PRIM1: variants seen among roughly 807,000 people sequenced by gnomAD.
PRIM1 encodes the protein DNA primase small subunit.
In PRIM1, 38 loss-of-function variants were observed where a neutral mutation model predicts 60.2. The ratio of observed to expected loss-of-function variants is 0.63; its 90% confidence interval spans 0.49 to 0.83. The LOEUF is 0.83. PRIM1 is among the 40% of genes least tolerant of loss of function. PRIM1 has a pLI of 0.00. For synonymous variants in PRIM1, 158 were observed against 160.2 expected (o/e 0.99, Z 0.10); for missense variants, 388 against 506.2 (o/e 0.77, Z 2.24).
chr12:56,751,094 C>T lies in PRIM1; in HGVS notation c.205G>A (p.Glu69Lys), dbSNP rs745807593. ...SFNNQSDLEKEMQKMNPYKID... is the reference protein window; with the variant it reads ...SFNNQSDLEKKMQKMNPYKID... ...TTGTATGGATTCATTTTCTGCATCTCCTTTTCCAGATCACTCTGGTTGTTG... is the reference window on the plus strand; with the variant it reads ...TTGTATGGATTCATTTTCTGCATCTTCTTTTCCAGATCACTCTGGTTGTTG... Residue 69 changes from glutamate to lysine, a missense_variant, in exon 2 of 13, where the codon GAG (glutamate) becomes AAG (lysine). By Grantham distance (56) the Glu-to-Lys change is moderately conservative. Coordinates refer to ENST00000338193, the MANE Select transcript of PRIM1 (RefSeq NM_000946.3). The T allele has an allele frequency of 1.9e-6, 3 of 1,600,366 alleles. No individual in the cohort carries two copies. Among genetic ancestry groups the T allele is most frequent in the Non-Finnish European group, 2.6e-6 (3 of 1,172,454 alleles).
intron 5 of PRIM1, 47 bp from the exon 6 acceptor site, chr12:56,744,170 TAC>T: frequency 2.2e-6 from 3 of 1,352,388 alleles, no homozygotes; most frequent in South Asian, 1.3e-5. Context: ...ACAATATAAA[TAC>T]AGTCATGTGC....
At position 56,738,431 on chromosome 12, in the gene PRIM1, T is replaced by G. The variant is rs1259803784; in HGVS notation, c.1144+3A>C. 6.4e-7 allele frequency: 1 copy of G among 1,572,644 alleles called. No individual in the cohort carries two copies. The highest frequency in any genetic ancestry group is 1.2e-5 in the South Asian group (1 of 85,854). The stretch of plus-strand genomic sequence containing the variant: ...AAAGTGAAGCTTCAAAATATTACCT[T>G]ACCTCTGGTTCTATGTTTGACATCA... On this transcript the variant is annotated splice_donor_region_variant and intron_variant, in intron 11 of 12. Coordinates refer to ENST00000338193, the MANE Select transcript of PRIM1 (RefSeq NM_000946.3).
chr12:56,742,561 A>C (rs574038302), intron 7 of PRIM1, among the ~76,000 whole-genome samples: 1 of 152,284 alleles, frequency 6.6e-6, no homozygotes, highest in East Asian at 1.9e-4. Context: ...ACACAGTATA[A>C]GACTCCGTCT....
chr12:56,735,640 A>G (rs1214739149), intron 11 of PRIM1, among the ~76,000 whole-genome samples: 2 of 150,326 alleles, frequency 1.3e-5, no homozygotes, highest in African/African-American at 4.9e-5. Context: ...AGAAGTTTTT[A>G]CATTGAGTAT....
chr12:56,749,543 C>T (rs1040632658), intron 2 of PRIM1, among the ~76,000 whole-genome samples: 3 of 152,170 alleles, frequency 2.0e-5, no homozygotes, highest in Non-Finnish European at 4.4e-5. Context: ...TATTCTCAAC[C>T]TATAAAGGGG....
intron 12 of PRIM1, among the ~76,000 whole-genome samples, chr12:56,732,857 A>AT (rs1269827286): frequency 6.6e-6 from 1 of 151,596 alleles, no homozygotes; most frequent in African/African-American, 2.4e-5. Flanking sequence ...AGGGATTAGA[A>AT]ATTTTTTTTT....
intron 11 of PRIM1, among the ~76,000 whole-genome samples, chr12:56,736,441 T>G (rs2137858806): frequency 6.6e-6 from 1 of 151,912 alleles, no homozygotes; most frequent in East Asian, 1.9e-4. Flanking sequence ...TTTAGTAGTA[T>G]CCTACGTTTG....
chr12:56,749,964 G>A (rs1461181539), intron 2 of PRIM1, among the ~76,000 whole-genome samples: 1 of 152,170 alleles, frequency 6.6e-6, no homozygotes, highest in East Asian at 1.9e-4. Context: ...ACCAGTGGCA[G>A]GGGGTGGGAG....
intron 12 of PRIM1, among the ~76,000 whole-genome samples, chr12:56,733,717 G>A (rs1953802195): frequency 6.6e-6 from 1 of 151,754 alleles, no homozygotes; most frequent in South Asian, 2.1e-4. Context: ...GGCCTCCTGA[G>A]TAGCTGGGAT....
chr12:56,741,675 C>T (rs1953873179), intron 8 of PRIM1, 71 bp downstream of exon 8: 3 of 1,579,990 alleles, frequency 1.9e-6, no homozygotes, highest in Non-Finnish European at 2.6e-6. Flanking sequence ...CTTTAACTGA[C>T]TAGGCAAAGC....
intron 12 of PRIM1, among the ~76,000 whole-genome samples, chr12:56,732,686 G>A (rs1010514707): frequency 1.3e-5 from 2 of 151,636 alleles, no homozygotes; most frequent in African/African-American, 4.8e-5. Flanking sequence ...ACTACTTGAT[G>A]GCTTCCAGAG....
intron 11 of PRIM1, among the ~76,000 whole-genome samples, chr12:56,735,100 C>T (rs1355601304): frequency 5.3e-5 from 8 of 151,268 alleles, no homozygotes; most frequent in African/African-American, 1.7e-4. Context: ...CGTGAGCCAC[C>T]GCGCCCGGTC....
intron 10 of PRIM1, among the ~76,000 whole-genome samples, chr12:56,738,961 G>T (rs922324706): frequency 2.0e-5 from 3 of 152,148 alleles, no homozygotes; most frequent in Admixed American, 6.6e-5. Context: ...CTAAATTTGG[G>T]ATATTCTAAA....
chr12:56,744,104 T>C lies in PRIM1; in HGVS notation c.599A>G (p.Lys200Arg), dbSNP rs1246590702. ...SLVKGGQDVK[K>R]KVHLSEKIHP... ...AATTTTTTCACTTAGGTGAACTTTC[T>C]TTTTAACGTCTTGACCACCCTGAAA... Residue 200 changes from lysine (K) to arginine (R), a missense_variant, in exon 6 of 13, where the codon AAG becomes AGG. Lys to Arg is a conservative substitution (Grantham distance 26). This residue lies in a region of PRIM1 where 211 missense variants were observed against 277.9 expected (regional missense o/e 0.76). Coordinates refer to ENST00000338193, the MANE Select transcript of PRIM1 (RefSeq NM_000946.3). The C allele has an allele frequency of 6.4e-7, 1 of 1,568,234 alleles. No individual in the cohort carries two copies. Among genetic ancestry groups the C allele is most frequent in the Non-Finnish European group, 8.7e-7 (1 of 1,154,550 alleles).
intron 11 of PRIM1, among the ~76,000 whole-genome samples, chr12:56,737,193 T>C (rs1214260317): frequency 6.6e-6 from 1 of 152,094 alleles, no homozygotes; most frequent in Non-Finnish European, 1.5e-5. Context: ...GCACTCCTTA[T>C]CAGAATCTAA....
chr12:56,740,150 GA>G (rs1262580145), intron 9 of PRIM1, among the ~76,000 whole-genome samples: 5 of 150,490 alleles, frequency 3.3e-5, no homozygotes, highest in South Asian at 4.2e-4. Flanking sequence ...AAAAAGGAAA[GA>G]AAAAAAACAA....
At chr12:56,742,156 G>A (rs1953877065) in intron 7 of PRIM1, 1 of 319,448 alleles carries the variant, frequency 3.1e-6, no homozygotes. Context: ...TGGAGGCTGA[G>A]GCAGGAAAAT....
At chr12:56,750,069 T>C (rs1953935573) in intron 2 of PRIM1, among the ~76,000 whole-genome samples, 1 of 152,172 alleles carries the variant, frequency 6.6e-6, no homozygotes, top group South Asian at 2.1e-4. Context: ...AAATGGGTTT[T>C]AGGCAGTGGA....
At position 56,746,045 on chromosome 12, in the gene PRIM1, C is replaced by T. The variant is rs1592334956; in HGVS notation, c.579G>A (p.Lys193=). Residue 193 remains lysine (K), a splice_region_variant and synonymous_variant, in exon 5 of 13, where the codon AAG becomes AAA. Coordinates refer to ENST00000338193, the MANE Select transcript of PRIM1 (RefSeq NM_000946.3). ...CAAATTAGAATTAAGAGGATCTTAC[C>T]TTTACAAGGCTCAAATACTCAACTA... ...SGIVEYLSLV[K]GGQDVKKKVH... 3.1e-6 allele frequency: 5 copies of T among 1,602,788 alleles called. No individual in the cohort carries two copies. The highest frequency in any genetic ancestry group is 3.4e-6 in the Non-Finnish European group (4 of 1,176,730).
Sources: allele counts gnomAD v4.1 joint callset (sites outside exome capture counted in the v4.1 genomes callset), GRCh38; gene constraint gnomAD v4.1.1; regional missense constraint gnomAD v4.1.1; transcripts MANE v1.5; gene names NCBI Gene and HGNC (gene_info 2026-07-23, HGNC 2026-07-21).